The following CEP128 variants were observed in gnomAD, a reference collection of about 807,000 sequenced individuals.
The protein encoded by CEP128 is centrosomal protein 128, also known as centrosomal protein 128kDa.
Under a neutral mutation model 156.7 loss-of-function variants are expected in CEP128, and 132 were observed. The ratio of observed to expected loss-of-function variants is 0.84; its 90% CI spans 0.73 to 0.97. The LOEUF is 0.97. CEP128 is among the 50% of genes least tolerant of loss of function. CEP128 has a pLI of 0.00. For missense variants in CEP128, 1,252 were observed against 1,281.9 expected (o/e 0.98, Z 0.36); for synonymous variants, 469 against 448.9 (o/e 1.04, Z -0.57).
chr14:80,664,111 C>T (rs556546615), intron 19 of CEP128, among the ~76,000 whole-genome samples: 5 of 152,260 alleles, frequency 3.3e-5, no homozygotes, highest in African/African-American at 7.2e-5. Flanking sequence ...CCTCACATTG[C>T]GGTTCAGCCT....
intron 19 of CEP128, among the ~76,000 whole-genome samples, chr14:80,661,754 T>C (rs781377172): frequency 2.0e-5 from 3 of 152,174 alleles, no homozygotes; most frequent in Non-Finnish European, 2.9e-5. Context: ...ATATAAGTAC[T>C]TTTTCCTAGA....
In CEP128 at chr14:80,526,285, G is replaced by T. The variant is rs1221565866; in HGVS notation, c.3072+584C>A. Among the ~76,000 whole-genome samples, 4 of 152,144 alleles carry T rather than the reference G, an allele frequency of 2.6e-5. No individual in the cohort carries two copies. The East Asian group carries it at 7.7e-4, about 29-fold the overall frequency. ...GAAACTCTGCTCTAAACTGAGAGCT[G>T]CCCAAGGTCAAATGGATTTAAAATC... On this transcript the variant is annotated intron_variant, in intron 23 of 24. Coordinates refer to ENST00000555265, the MANE Select transcript of CEP128 (RefSeq NM_152446.5).
At chr14:80,820,147 G>T (rs1885087180) in intron 13 of CEP128, among the ~76,000 whole-genome samples, 2 of 152,094 alleles carry the variant, frequency 1.3e-5, no homozygotes, top group Non-Finnish European at 2.9e-5. Context: ...AAGAATATAT[G>T]ATCTAATTTC....
At chr14:80,814,114 T>C (rs1475261122) in intron 13 of CEP128, among the ~76,000 whole-genome samples, 1 of 152,202 alleles carries the variant, frequency 6.6e-6, no homozygotes, top group Non-Finnish European at 1.5e-5. Flanking sequence ...ACATTCAAGA[T>C]GGTTTTACTA....
In CEP128 at chr14:80,792,816, G is replaced by A. The variant is rs145040014; in HGVS notation, c.1504C>T (p.Arg502Ter). 6.8e-6 allele frequency: 11 copies of A among 1,613,974 alleles called. No individual in the cohort carries two copies. Among genetic ancestry groups the A allele is most frequent in the African/African-American group, 5.3e-5 (4 of 74,908 alleles). ...QWKLKHKKLE[R>*]ALEKQSETVD... ...GTTTCAGATTGTTTCTCCAACGCTC[G>A]TTCTAACTTCTTATGCTTAAGCTTC... is the stretch of plus-strand genomic sequence containing the variant. Residue 502 changes from arginine to a stop codon, truncating the protein, a stop_gained, in exon 14 of 25, where the codon CGA becomes TGA. Transcript: ENST00000555265. LOFTEE classifies it high-confidence loss of function.
At chr14:80,877,349 C>A (rs1888330622) in intron 8 of CEP128, among the ~76,000 whole-genome samples, 1 of 151,798 alleles carries the variant, frequency 6.6e-6, no homozygotes, top group African/African-American at 2.4e-5. Context: ...TACAGCAAAT[C>A]CTCCAAATCA....
At chr14:80,587,695 G>A (rs765203686) in intron 19 of CEP128, among the ~76,000 whole-genome samples, 1 of 152,144 alleles carries the variant, frequency 6.6e-6, no homozygotes, top group Non-Finnish European at 1.5e-5. Flanking sequence ...CATGAGCAGA[G>A]AAAGTAAGAA....
chr14:80,957,792 C>T (rs2268452), intron 2 of CEP128: 2 of 152,086 alleles, frequency 1.3e-5, no homozygotes, highest in African/African-American at 4.8e-5. Flanking sequence ...TTGGAAGGAG[C>T]CAAATTTCCT....
chr14:80,840,930 A>C (rs977282569), intron 9 of CEP128, among the ~76,000 whole-genome samples, 162 bp from the exon 10 acceptor site: 5 of 152,142 alleles, frequency 3.3e-5, no homozygotes, highest in African/African-American at 1.2e-4. Context: ...TGGGGATAAA[A>C]TATAAACAAT....
At chr14:80,592,682 C>T (rs191392619) in intron 19 of CEP128, among the ~76,000 whole-genome samples, 25 of 152,222 alleles carry the variant, frequency 1.6e-4, no homozygotes, top group South Asian at 1.2e-3. Flanking sequence ...GAAAACCAGG[C>T]GGAGACACAA....
chr14:80,571,855 T>C (rs1320009708), intron 20 of CEP128, among the ~76,000 whole-genome samples: 2 of 152,092 alleles, frequency 1.3e-5, no homozygotes, highest in African/African-American at 4.8e-5. Context: ...TTAAGTATAG[T>C]AGTATAGAAG....
At chr14:80,714,827 C>T (rs1378619907) in intron 19 of CEP128, among the ~76,000 whole-genome samples, 1 of 152,006 alleles carries the variant, frequency 6.6e-6, no homozygotes, top group Non-Finnish European at 1.5e-5. Context: ...ACAGTATTGT[C>T]CAATCACTCA....
At chr14:80,586,524 A>G (rs1169316088) in intron 19 of CEP128, among the ~76,000 whole-genome samples, 1 of 152,122 alleles carries the variant, frequency 6.6e-6, no homozygotes. Flanking sequence ...GACTTTCAAG[A>G]TTTGTATTGA....
At chr14:80,758,430 G>A (rs1002599349) in intron 17 of CEP128, among the ~76,000 whole-genome samples, 2 of 151,300 alleles carry the variant, frequency 1.3e-5, no homozygotes, top group Admixed American at 6.6e-5. Context: ...GCTGAGGCAA[G>A]AGAATTGCTT....
Position 80,561,369 on chromosome 14 carries a change from T to C in CEP128, c.2857-2067A>G, listed in dbSNP as rs148594853. 1.3e-3 allele frequency among the ~76,000 whole-genome samples: 191 copies of C among 152,310 alleles called. 4 individuals are homozygous for C. In the Middle Eastern group the frequency reaches 0.027, roughly 22 times the overall value. ...TATATTGTCACATTTGAGCACTTCA[T>C]AATAAATGCGTATGATGCCTCAAGG... On this transcript the variant is annotated intron_variant, in intron 20 of 24. Coordinates refer to ENST00000555265, the MANE Select transcript of CEP128 (RefSeq NM_152446.5).
intron 24 of CEP128, among the ~76,000 whole-genome samples, chr14:80,498,085 C>T (rs933347578): frequency 6.6e-6 from 1 of 152,192 alleles, no homozygotes; most frequent in Non-Finnish European, 1.5e-5. Flanking sequence ...CTTATCTCTA[C>T]TCTCTGATGC....
At chr14:80,499,960 C>A (rs552166174) in intron 24 of CEP128, among the ~76,000 whole-genome samples, 1 of 152,286 alleles carries the variant, frequency 6.6e-6, no homozygotes, top group Admixed American at 6.5e-5. Flanking sequence ...TAACTTCCAG[C>A]AGGCCAGGAT....
intron 19 of CEP128, among the ~76,000 whole-genome samples, chr14:80,616,600 G>A (rs1893224366): frequency 6.6e-6 from 1 of 152,108 alleles, no homozygotes; most frequent in Admixed American, 6.5e-5. Flanking sequence ...ATGTTAACAA[G>A]ATTCTTAAGA....
intron 19 of CEP128, among the ~76,000 whole-genome samples, chr14:80,625,741 C>T (rs1009410529): frequency 5.3e-5 from 8 of 151,666 alleles, no homozygotes; most frequent in African/African-American, 1.9e-4. Context: ...TTCCTTCCTT[C>T]CTTCCTTCAT....
Sources: allele counts gnomAD v4.1 joint callset (sites outside exome capture counted in the v4.1 genomes callset), GRCh38; gene constraint gnomAD v4.1.1; transcripts MANE v1.5; gene names NCBI Gene and HGNC (gene_info 2026-07-23, HGNC 2026-07-21).